Variants in FBXO15 observed in about 807,000 individuals in gnomAD.
FBXO15 encodes F-box only protein 15.
In FBXO15, 30 loss-of-function variants were observed where a neutral mutation model predicts 49.5. The observed-to-expected ratio is 0.61, with a 90% CI of 0.45 to 0.82. The LOEUF (loss-of-function observed/expected upper bound fraction) is 0.82, where lower values mean the gene tolerates loss of function less well. Among genes scored for constraint, FBXO15 ranks in the 40% least tolerant of loss-of-function variants. The pLI, the probability that FBXO15 is intolerant of heterozygous loss-of-function variation, is 0.00. For missense variants in FBXO15, 591 were observed against 631.5 expected (o/e 0.94, Z 0.69); for synonymous variants, 250 against 232.7 (o/e 1.07, Z -0.68).
At chr18:74,103,124 A>G (rs887701228) in intron 8 of FBXO15, among the ~76,000 whole-genome samples, 10 of 152,186 alleles carry the variant, frequency 6.6e-5, no homozygotes, top group Non-Finnish European at 1.5e-4. Flanking sequence ...TTTTAAAAAA[A>G]GAAAAGCAAT....
At position 74,147,821 on chromosome 18, in the gene FBXO15, C is replaced by G. The variant is rs1016287587; in HGVS notation, c.-36G>C. Reference sequence around the variant, plus strand: ...AGTTCACCACAGGACCGCGCCAGGGCTGAAACGAAGAGTGCACGCACCGCC... The same window carrying G: ...AGTTCACCACAGGACCGCGCCAGGGGTGAAACGAAGAGTGCACGCACCGCC... On this transcript the variant is annotated 5_prime_UTR_variant, in exon 1 of 10. Transcript: ENST00000419743. 1.7e-5 allele frequency: 25 copies of G among 1,481,754 alleles called. No individual in the cohort carries two copies. The African/African-American group carries it at 3.2e-4, about 19-fold the overall frequency. The allele number at this position is 1,481,754 out of a possible 1,614,324, so 91.8% of individuals were successfully genotyped here.
chr18:74,106,024 T>C (rs1484555729), intron 8 of FBXO15, among the ~76,000 whole-genome samples: 1 of 152,150 alleles, frequency 6.6e-6, no homozygotes, highest in Non-Finnish European at 1.5e-5. Context: ...ATTGGGAACA[T>C]ATTTTCATGA....
At position 74,147,668 on chromosome 18, in the gene FBXO15, A is replaced by C. The variant is rs1979531307; in HGVS notation, c.116+2T>G. 3.4e-6 allele frequency: 5 copies of C among 1,464,144 alleles called. No homozygotes were observed. The highest frequency in any genetic ancestry group is 4.5e-6 in the Non-Finnish European group (5 of 1,112,918). The allele number at this position is 1,464,144 out of a possible 1,614,324, so 90.7% of individuals were successfully genotyped here. A position where few individuals can be genotyped will look rare whatever the true frequency, so the allele number is the denominator to read the frequency against. The stretch of plus-strand genomic sequence containing the variant: ...GACCCCACCCGCAGGCCCTACAGTC[A>C]CCTGCACCCAAAGGCCCTGGCGCGC... On this transcript the variant is annotated splice_donor_variant, in intron 1 of 9. Transcript: ENST00000419743. LOFTEE classifies it high-confidence loss of function.
chr18:74,138,150 C>T lies in FBXO15; in HGVS notation c.227+2052G>A, dbSNP rs552903352. On this transcript the variant is annotated intron_variant, in intron 2 of 9. Coordinates refer to ENST00000419743, the MANE Select transcript of FBXO15 (RefSeq NM_001142958.2). Reference sequence around the variant, plus strand: ...CTCCCCACCCCCATCTCTCTGGAGCCGCCACCTAATTTCTAGGCTCCCTCG... The same window carrying T: ...CTCCCCACCCCCATCTCTCTGGAGCTGCCACCTAATTTCTAGGCTCCCTCG... Among the ~76,000 whole-genome samples the T allele has an allele frequency of 3.9e-5, 6 of 152,202 alleles. No homozygotes were observed. In the South Asian group the frequency reaches 1.0e-3, roughly 26 times the overall value.
intron 1 of FBXO15, among the ~76,000 whole-genome samples, chr18:74,142,706 T>C (rs924486338): frequency 6.6e-6 from 1 of 152,142 alleles, no homozygotes; most frequent in Non-Finnish European, 1.5e-5. Flanking sequence ...CCCTCCCTCA[T>C]CCAGTATGAC....
chr18:74,133,660 T>C (rs1224927936), intron 3 of FBXO15, among the ~76,000 whole-genome samples: 2 of 152,322 alleles, frequency 1.3e-5, no homozygotes, highest in Admixed American at 1.3e-4. Context: ...TGGCTCATAG[T>C]TCTGCAGGCT....
At chr18:74,139,677 A>G (rs1372330424) in intron 2 of FBXO15, among the ~76,000 whole-genome samples, 1 of 152,226 alleles carries the variant, frequency 6.6e-6, no homozygotes, top group Non-Finnish European at 1.5e-5. Flanking sequence ...CAGGCTCCCC[A>G]TGAGGCTTAG....
intron 8 of FBXO15, among the ~76,000 whole-genome samples, chr18:74,089,435 T>A (rs1912915485): frequency 6.6e-6 from 1 of 152,208 alleles, no homozygotes; most frequent in Non-Finnish European, 1.5e-5. Context: ...TTGTCTTGTC[T>A]GATTGCTCTA....
chr18:74,124,030 G>A (rs1318546043), intron 7 of FBXO15, among the ~76,000 whole-genome samples: 2 of 151,848 alleles, frequency 1.3e-5, no homozygotes, highest in Non-Finnish European at 2.9e-5. Flanking sequence ...TAAGTCCACA[G>A]GAAAAGGGTG....
intron 9 of FBXO15, among the ~76,000 whole-genome samples, chr18:74,081,157 T>C (rs1018468569): frequency 1.3e-5 from 2 of 152,226 alleles, no homozygotes; most frequent in African/African-American, 4.8e-5. Flanking sequence ...TGCTTCATGA[T>C]AACACCACTC....
intron 8 of FBXO15, among the ~76,000 whole-genome samples, chr18:74,110,945 T>C (rs1356562427): frequency 1.3e-5 from 2 of 152,108 alleles, no homozygotes; most frequent in African/African-American, 4.8e-5. Flanking sequence ...AGAAATAAAC[T>C]AGTCCACTAT....
chr18:74,141,057 T>C (rs1979043615), intron 1 of FBXO15, among the ~76,000 whole-genome samples: 1 of 152,232 alleles, frequency 6.6e-6, no homozygotes, highest in Admixed American at 6.5e-5. Flanking sequence ...ATATTTTCAC[T>C]GGCCATCTTT....
chr18:74,077,283 T>A (rs944267220), intron 9 of FBXO15, among the ~76,000 whole-genome samples: 6 of 152,144 alleles, frequency 3.9e-5, no homozygotes. Context: ...CTGGTTGTTA[T>A]TAAACACTAA....
At chr18:74,109,946 T>G (rs536373673) in intron 8 of FBXO15, among the ~76,000 whole-genome samples, 1 of 152,098 alleles carries the variant, frequency 6.6e-6, no homozygotes, top group South Asian at 2.1e-4. Context: ...ACCTGCATGT[T>G]GTGCACCTGT....
rs188310106 is a variant in FBXO15, at chr18:74,085,105, C to A, written c.1139-3054G>T. On this transcript the variant is annotated intron_variant, in intron 8 of 9. Transcript: ENST00000419743. The stretch of plus-strand genomic sequence containing the variant: ...AGTTTCACACAATCACAAGCATAAT[C>A]CCAATAGGTACTTCAGAAAATGGTT... Among the ~76,000 whole-genome samples the A allele has an allele frequency of 5.9e-5, 9 of 152,086 alleles. No individual in the cohort carries two copies. The East Asian group carries it at 1.5e-3, about 26-fold the overall frequency.
At chr18:74,132,059 C>CA (rs60958957) in intron 3 of FBXO15, among the ~76,000 whole-genome samples, 27,434 of 152,140 alleles carry the variant, frequency 0.18, 2,822 homozygotes, top group East Asian at 0.27. Flanking sequence ...GTGGGTTTCT[C>CA]AGTCATTTCT....
At chr18:74,136,929 G>C (rs760643969) in intron 2 of FBXO15, among the ~76,000 whole-genome samples, 2 of 152,182 alleles carry the variant, frequency 1.3e-5, no homozygotes, top group Non-Finnish European at 2.9e-5. Flanking sequence ...CTGTCTACTT[G>C]TGATTGTTAT....
At chr18:74,109,855 G>C (rs1913931103) in intron 8 of FBXO15, among the ~76,000 whole-genome samples, 2 of 152,004 alleles carry the variant, frequency 1.3e-5, no homozygotes, top group Non-Finnish European at 2.9e-5. Flanking sequence ...GGGAGGGATA[G>C]CATTAGGAGA....
At chr18:74,139,157 C>T (rs182233170) in intron 2 of FBXO15, among the ~76,000 whole-genome samples, 2 of 152,284 alleles carry the variant, frequency 1.3e-5, no homozygotes, top group Admixed American at 1.3e-4. Flanking sequence ...TAAGTCTTTC[C>T]TCACCACGCC....
Sources: allele counts gnomAD v4.1 joint callset (sites outside exome capture counted in the v4.1 genomes callset), GRCh38; gene constraint gnomAD v4.1.1; transcripts MANE v1.5; gene names NCBI Gene and HGNC (gene_info 2026-07-23, HGNC 2026-07-21).